DNAH12: variants seen among roughly 807,000 people sequenced by gnomAD.
DNAH12 encodes axonemal beta dynein heavy chain 12.
Under a neutral mutation model 371.5 loss-of-function variants are expected in DNAH12, and 285 were observed. That is an observed-to-expected ratio of 0.77 (90% confidence interval 0.70 to 0.85). DNAH12 has a LOEUF of 0.85. Among genes scored for constraint, DNAH12 ranks in the 40% least tolerant of loss-of-function variants. The pLI is 0.00. For synonymous variants in DNAH12, 1,200 were observed against 1,213.0 expected (o/e 0.99, Z 0.22); for missense variants, 3,611 against 3,689.4 (o/e 0.98, Z 0.55).
intron 39 of DNAH12, among the ~76,000 whole-genome samples, chr3:57,411,543 AAAAAAAAAAAAAG>A (rs534986851): frequency 0.17 from 22,651 of 134,478 alleles, 2,576 homozygotes; most frequent in South Asian, 0.35. Context: ...AAAAAAAAAA[AAAAAAAAAAAAAG>A]AAAGAAAGAA....
rs1030068682 is a variant in DNAH12, at chr3:57,398,165, T to G, written c.6949-3833A>C. ...AAAAATTATCTACAGGGGTTCAACA[T>G]TAGACTTGATTGGGCAGAATCAAGA... is the stretch of plus-strand genomic sequence containing the variant. On this transcript the variant is annotated intron_variant, in intron 43 of 73. Coordinates refer to ENST00000495027, the MANE Select transcript of DNAH12 (RefSeq NM_001366028.2). Among the ~76,000 whole-genome samples, 1,232 of 152,264 alleles carry G rather than the reference T, an allele frequency of 8.1e-3. 12 individuals carry two copies. Among genetic ancestry groups the G allele is most frequent in the African/African-American group, 0.028 (1,150 of 41,550 alleles).
intron 69 of DNAH12, among the ~76,000 whole-genome samples, chr3:57,304,045 A>G (rs1233032142): frequency 6.9e-6 from 1 of 145,330 alleles, no homozygotes; most frequent in Non-Finnish European, 1.5e-5. Flanking sequence ...TCCCCCACTG[A>G]GCACCTTGTG....
chr3:57,448,200 G>A (rs2065592604), intron 25 of DNAH12, among the ~76,000 whole-genome samples: 1 of 152,182 alleles, frequency 6.6e-6, no homozygotes, highest in Non-Finnish European at 1.5e-5. Flanking sequence ...AGCTCTTAAG[G>A]TGGCGCATCC....
rs192329676 is a variant in DNAH12, at chr3:57,325,065, G to A, written c.9979-1446C>T. The stretch of plus-strand genomic sequence containing the variant: ...GCTTGCTTAGGTAAACAAAGCAGCT[G>A]GAAAGCTCCAACTGGGTGGAACCCA... On this transcript the variant is annotated intron_variant, in intron 62 of 73. Coordinates refer to ENST00000495027, the MANE Select transcript of DNAH12 (RefSeq NM_001366028.2). Among the ~76,000 whole-genome samples, 492 of 152,358 alleles carry A rather than the reference G, an allele frequency of 3.2e-3. 2 individuals are homozygous for A. The highest frequency in any genetic ancestry group is 0.011 in the African/African-American group (453 of 41,588).
chr3:57,530,855 G>A (rs187185252), intron 2 of DNAH12: 12 of 161,312 alleles, frequency 7.4e-5, no homozygotes, highest in Non-Finnish European at 1.4e-4. Context: ...CGCAGCGGGG[G>A]CCAATCTTGG....
intron 59 of DNAH12, among the ~76,000 whole-genome samples, 190 bp from the exon 60 acceptor site, chr3:57,352,415 C>T (rs1238841839): frequency 1.3e-5 from 2 of 151,916 alleles, no homozygotes; most frequent in Admixed American, 6.6e-5. Flanking sequence ...GTCAGTTTCT[C>T]GGTTGTACTA....
chr3:57,312,625 A>T (rs926487634), intron 66 of DNAH12, among the ~76,000 whole-genome samples: 4 of 152,238 alleles, frequency 2.6e-5, no homozygotes, highest in Admixed American at 6.5e-5. Context: ...AGAAAGGTTG[A>T]TGACATCAGA....
chr3:57,483,339 G>A, intron 13 of DNAH12, 37 bp downstream of exon 13: 2 of 1,534,100 alleles, frequency 1.3e-6, no homozygotes, highest in Non-Finnish European at 1.8e-6. Context: ...ATTTCACAAT[G>A]AAAACAAACC....
Position 57,433,697 on chromosome 3 carries a change from T to G in DNAH12, c.4787A>C (p.Lys1596Thr). 6.4e-7 allele frequency: 1 copy of G among 1,551,132 alleles called. No individual in the cohort carries two copies. The highest frequency in any genetic ancestry group is 8.7e-7 in the Non-Finnish European group (1 of 1,146,894). Residue 1596 changes from lysine (K) to threonine (T), a missense_variant, in exon 31 of 74, where the codon AAA becomes ACA. Physicochemically the swap from Lys to Thr is moderately conservative, Grantham distance 78. This residue lies in a region of DNAH12 where 2,266 missense variants were observed against 2,236.9 expected (regional missense o/e 1.01). Coordinates refer to ENST00000495027, the MANE Select transcript of DNAH12 (RefSeq NM_001366028.2). Reference protein sequence around the residue: ...EKVIYRTVNPKSITMGQLFGQ... With the variant: ...EKVIYRTVNPTSITMGQLFGQ... ...AAAAAGTTGGCCCATAGTAATAGAT[T>G]TGGGGTTTACAGTTCTATAAATGAC...
chr3:57,294,032 AAGAACTATTT>A, intron 73 of DNAH12, 61 bp from the exon 74 acceptor site: 2 of 1,352,980 alleles, frequency 1.5e-6, no homozygotes, highest in Non-Finnish European at 1.9e-6. Context: ...TTGGTACGAA[AAGAACTATTT>A]ATCTTGTAAT....
At chr3:57,418,972 C>G (rs557086694) in intron 37 of DNAH12, among the ~76,000 whole-genome samples, 1 of 152,268 alleles carries the variant, frequency 6.6e-6, no homozygotes, top group East Asian at 1.9e-4. Context: ...GAATCCAGAA[C>G]TGGCATAGGA....
intron 13 of DNAH12, among the ~76,000 whole-genome samples, chr3:57,476,564 A>AGAAAAAT (rs2066533217): frequency 6.7e-6 from 1 of 149,924 alleles, no homozygotes; most frequent in South Asian, 2.1e-4. Context: ...ACTCTGTCTC[A>AGAAAAAT]AAAAAATAAA....
chr3:57,341,657 A>T (rs549166840), intron 60 of DNAH12, among the ~76,000 whole-genome samples: 155 of 152,258 alleles, frequency 1.0e-3, no homozygotes, highest in Non-Finnish European at 1.8e-3. Flanking sequence ...TGGATTAGAA[A>T]AATTAATATT....
At chr3:57,503,867 C>A in intron 9 of DNAH12, 149 bp downstream of exon 9, 1 of 662,038 alleles carries the variant, frequency 1.5e-6, no homozygotes, top group Non-Finnish European at 2.3e-6. Flanking sequence ...CTTCAAGCGA[C>A]TTTTTCAAAG....
chr3:57,476,453 A>G (rs910277439), intron 13 of DNAH12, among the ~76,000 whole-genome samples: 16 of 152,114 alleles, frequency 1.1e-4, no homozygotes, highest in African/African-American at 3.9e-4. Context: ...ACTCCCAGCT[A>G]CTCAGGAGGC....
chr3:57,342,404 G>C (rs1018668231), intron 60 of DNAH12, among the ~76,000 whole-genome samples: 2 of 149,974 alleles, frequency 1.3e-5, no homozygotes, highest in Non-Finnish European at 3.0e-5. Flanking sequence ...ACTTTGGGAG[G>C]CTGAGGCAGG....
At chr3:57,530,013 T>G (rs2068786069) in intron 2 of DNAH12, among the ~76,000 whole-genome samples, 2 of 152,158 alleles carry the variant, frequency 1.3e-5, no homozygotes, top group African/African-American at 2.4e-5. Context: ...CAAAAGCATA[T>G]TTTTTAATTT....
chr3:57,532,082 T>G (rs1157840453), intron 2 of DNAH12, among the ~76,000 whole-genome samples: 1 of 152,122 alleles, frequency 6.6e-6, no homozygotes, highest in African/African-American at 2.4e-5. Flanking sequence ...GTTCACTAAT[T>G]CTTTCTGCTT....
At chr3:57,455,428 G>A (rs113560668) in intron 22 of DNAH12, among the ~76,000 whole-genome samples, 2 of 151,738 alleles carry the variant, frequency 1.3e-5, no homozygotes, top group Non-Finnish European at 2.9e-5. Context: ...AAAATAGCTG[G>A]GCATGGTGGT....
Sources: allele counts gnomAD v4.1 joint callset (sites outside exome capture counted in the v4.1 genomes callset), GRCh38; gene constraint gnomAD v4.1.1; regional missense constraint gnomAD v4.1.1; transcripts MANE v1.5; gene names NCBI Gene and HGNC (gene_info 2026-07-23, HGNC 2026-07-21).